The following SDHA variants were observed in gnomAD, a reference collection of about 807,000 sequenced individuals.
The protein encoded by SDHA is succinate dehydrogenase complex flavoprotein subunit A, also known as succinate dehydrogenase [ubiquinone] flavoprotein subunit, mitochondrial.
A neutral mutation model predicts 78.4 loss-of-function variants in SDHA; 48 were observed. The ratio of observed to expected loss-of-function variants is 0.61; its 90% CI spans 0.49 to 0.78. SDHA has a LOEUF of 0.78. Ranked by LOEUF, SDHA falls within the 30% of genes least tolerant of loss-of-function variation. The pLI is 0.00. For missense variants in SDHA, 680 were observed against 892.7 expected (o/e 0.76, Z 3.04); for synonymous variants, 326 against 353.9 (o/e 0.92, Z 0.88).
chr5:242,028 G>C (rs1736172354), intron 11 of SDHA, among the ~76,000 whole-genome samples: 1 of 152,232 alleles, frequency 6.6e-6, no homozygotes, highest in African/African-American at 2.4e-5. Flanking sequence ...CACCAAACAT[G>C]GTGTGTCTTG....
Position 254,525 on chromosome 5 carries a change from C to T in SDHA, c.1908+19C>T, listed in dbSNP as rs1248241717. The T allele has an allele frequency of 2.0e-6, 3 of 1,535,892 alleles. No homozygotes were observed. In the East Asian group the frequency reaches 7.3e-5, roughly 38 times the overall value. On this transcript the variant is annotated intron_variant, in intron 14 of 14. Transcript: ENST00000264932. The stretch of plus-strand genomic sequence containing the variant: ...TGGGAAGGTCAGTGTGGAGCTCGTT[C>T]TCACCACAGCCCAGCACCCACACGG...
chr5:229,694 T>C (rs1579394361), intron 6 of SDHA, among the ~76,000 whole-genome samples: 1 of 152,370 alleles, frequency 6.6e-6, no homozygotes. Context: ...GTTAACATTA[T>C]ACAGCATGGT....
Position 228,345 on chromosome 5 carries a change from A to G in SDHA, c.770+12A>G, listed in dbSNP as rs201245536. The stretch of plus-strand genomic sequence containing the variant: ...GTTGTTGCCACAGGGTAGGAATCTC[A>G]TTTCTACTTTATTTTGTTTATAAAA... On this transcript the variant is annotated intron_variant, in intron 6 of 14. Coordinates refer to ENST00000264932, the MANE Select transcript of SDHA (RefSeq NM_004168.4). 61 of 1,591,370 alleles carry G rather than the reference A, an allele frequency of 3.8e-5. No homozygotes were observed. Among genetic ancestry groups the G allele is most frequent in the Middle Eastern group, 3.3e-4 (2 of 6,022 alleles).
intron 7 of SDHA, among the ~76,000 whole-genome samples, chr5:231,519 C>T (rs1735394476): frequency 6.7e-6 from 1 of 149,444 alleles, no homozygotes; most frequent in Non-Finnish European, 1.5e-5. Flanking sequence ...GAGATCGCGC[C>T]ACTGCACTCC....
downstream of SDHA, among the ~76,000 whole-genome samples, chr5:261,729 G>C (rs1476919483): frequency 1.9e-4 from 5 of 26,444 alleles, no homozygotes; most frequent in Non-Finnish European, 4.0e-4. Context: ...TACCGTGTGA[G>C]CTCCGCCTCC....
chr5:218,491 C>A, intron 1 of SDHA, 73 bp downstream of exon 1: 1 of 1,151,210 alleles, frequency 8.7e-7, no homozygotes, highest in Non-Finnish European at 1.1e-6. Context: ...CGGTCCCCAG[C>A]GGGTCCGAGC....
chr5:222,230 A>AG (rs760624183), intron 1 of SDHA, among the ~76,000 whole-genome samples: 2 of 152,190 alleles, frequency 1.3e-5, no homozygotes, highest in Non-Finnish European at 2.9e-5. Flanking sequence ...GAAATGAAGA[A>AG]TAATTTTTTA....
Position 228,208 on chromosome 5 carries a change from T to C in SDHA, c.645T>C (p.Tyr215=), listed in dbSNP as rs752951211. ...YGRSLRYDTS[Y]FVEYFALDLL... ...AGTCTCTGCGATATGATACCAGCTA[T>C]TTTGTGGAGTATTTTGCCTTGGATC... The change falls in exon 6 of 15, where the codon TAT becomes TAC. Residue 215 remains tyrosine, a synonymous_variant. Coordinates refer to ENST00000264932, the MANE Select transcript of SDHA (RefSeq NM_004168.4). 2 of 1,613,872 alleles carry C rather than the reference T, an allele frequency of 1.2e-6. No homozygotes were observed. The highest frequency in any genetic ancestry group is 1.7e-6 in the Non-Finnish European group (2 of 1,179,826).
At chr5:252,567 A>ATTAAC (rs1414248912) in intron 13 of SDHA, among the ~76,000 whole-genome samples, 19 of 149,480 alleles carry the variant, frequency 1.3e-4, no homozygotes, top group African/African-American at 2.7e-4. Context: ...ATGCCAGTTT[A>ATTAAC]GTAACGAGTA....
At chr5:258,855 C>T (rs1160991661), downstream of SDHA, among the ~76,000 whole-genome samples, 1 of 67,316 alleles carries the variant, frequency 1.5e-5, no homozygotes, top group East Asian at 2.7e-4. Context: ...ACTGTGAGCT[C>T]CTTCTCCTCT....
downstream of SDHA, among the ~76,000 whole-genome samples, chr5:261,712 A>C (rs1272754058): frequency 5.2e-5 from 2 of 38,388 alleles, no homozygotes; most frequent in African/African-American, 1.7e-4. Flanking sequence ...GCCTCCCGGC[A>C]GAGCATTACC....
Position 218,364 on chromosome 5 carries a change from G to C in SDHA, c.9G>C (p.Gly3=), listed in dbSNP as rs1252447154. 6.2e-6 allele frequency: 9 copies of C among 1,460,672 alleles called. No individual in the cohort carries two copies. Among genetic ancestry groups the C allele is most frequent in the African/African-American group, 1.5e-5 (1 of 68,428 alleles). 90.5% of individuals were successfully genotyped at this position (1,460,672 alleles called of 1,614,324 possible). MS[G]VRGLSRLLSA... is the part of the protein sequence containing the mutation. ...CGGCGGCAACAGCAGACATGTCGGG[G>C]GTCCGGGGCCTGTCGCGGCTGCTGA... Residue 3 remains glycine (G), a synonymous_variant, in exon 1 of 15, where the codon GGG becomes GGC. Transcript: ENST00000264932.
At chr5:248,273 T>G (rs1466499339) in intron 11 of SDHA, among the ~76,000 whole-genome samples, 1 of 152,174 alleles carries the variant, frequency 6.6e-6, no homozygotes, top group Non-Finnish European at 1.5e-5. Flanking sequence ...ATGTCAAGAC[T>G]GATGCTGAGG....
At chr5:235,599 G>C in intron 9 of SDHA, 1 of 516,570 alleles carries the variant, frequency 1.9e-6, no homozygotes, top group East Asian at 3.6e-5. Context: ...ATATGATCTT[G>C]TGTTATTTCT....
chr5:229,226 G>T (rs1370560160), intron 6 of SDHA, among the ~76,000 whole-genome samples: 1 of 152,160 alleles, frequency 6.6e-6, no homozygotes, highest in African/African-American at 2.4e-5. Flanking sequence ...AAAATTCATA[G>T]GACTACTATG....
At chr5:244,803 T>C (rs1441659845) in intron 11 of SDHA, among the ~76,000 whole-genome samples, 3 of 152,142 alleles carry the variant, frequency 2.0e-5, no homozygotes, top group Admixed American at 6.5e-5. Flanking sequence ...TACCTATAAA[T>C]TTATGGGGAA....
chr5:260,369 G>C (rs371105451), downstream of SDHA, among the ~76,000 whole-genome samples: 3 of 7,112 alleles, frequency 4.2e-4, no homozygotes, highest in African/African-American at 9.0e-4. Context: ...CCTCCCGCCA[G>C]AGCATTACCG....
At chr5:246,504 T>C (rs10462753) in intron 11 of SDHA, among the ~76,000 whole-genome samples, 36,215 of 143,478 alleles carry the variant, frequency 0.25, 6,742 homozygotes, top group African/African-American at 0.54. Context: ...AGAGAAGACT[T>C]GAGCTGCAGC....
intron 6 of SDHA, among the ~76,000 whole-genome samples, chr5:229,901 G>A (rs1735280482): frequency 6.6e-6 from 1 of 150,736 alleles, no homozygotes; most frequent in East Asian, 1.9e-4. Flanking sequence ...ACAGCATGGT[G>A]GCCAGAGTTA....
Sources: allele counts gnomAD v4.1 joint callset (sites outside exome capture counted in the v4.1 genomes callset), GRCh38; gene constraint gnomAD v4.1.1; transcripts MANE v1.5; gene names NCBI Gene and HGNC (gene_info 2026-07-23, HGNC 2026-07-21).